The following NALF1 variants were observed in gnomAD, a reference collection of about 807,000 sequenced individuals.
NALF1 encodes family with sequence similarity 155 member A.
A neutral mutation model predicts 48.4 loss-of-function variants in NALF1; 3 were observed. The ratio of observed to expected loss-of-function variants is 0.06; its 90% confidence interval spans 0.03 to 0.16. NALF1 has a LOEUF of 0.16. NALF1 is among the 10% of genes least tolerant of loss of function. The pLI is 1.00. For missense variants in NALF1, 526 were observed against 571.5 expected (o/e 0.92, Z 0.81); for synonymous variants, 262 against 245.7 (o/e 1.07, Z -0.62).
At chr13:107,379,019 A>T (rs1190600509) in intron 1 of NALF1, among the ~76,000 whole-genome samples, 1 of 152,204 alleles carries the variant, frequency 6.6e-6, no homozygotes, top group Non-Finnish European at 1.5e-5. Context: ...GAACAAAGTA[A>T]TGATCACCAC....
intron 1 of NALF1, among the ~76,000 whole-genome samples, chr13:107,777,866 C>G (rs1312495096): frequency 6.6e-6 from 1 of 152,156 alleles, no homozygotes; most frequent in African/African-American, 2.4e-5. Context: ...CAAAGGCTCC[C>G]TGATGTATGT....
rs371672397 is a variant in NALF1 at position 107,572,744 on chromosome 13, C to T, written c.915+292938G>A. Among the ~76,000 whole-genome samples the T allele has an allele frequency of 8.7e-4, 132 of 152,206 alleles. 5 individuals carry two copies. The South Asian group carries it at 0.026, about 30-fold the overall frequency. ...TGGCACTTTTGAAGTTCCGAGAACA[C>T]GCTAATTTATAAAATGGCATATCTA... On this transcript the variant is annotated intron_variant, in intron 1 of 2. Transcript: ENST00000375915.
chr13:107,772,775 A>C (rs1230559367), intron 1 of NALF1, among the ~76,000 whole-genome samples: 1 of 152,156 alleles, frequency 6.6e-6, no homozygotes, highest in Non-Finnish European at 1.5e-5. Context: ...AGCTCTGAGA[A>C]GCTTAGGTTC....
intron 1 of NALF1, among the ~76,000 whole-genome samples, chr13:107,504,278 T>C (rs1488179930): frequency 1.4e-5 from 2 of 147,526 alleles, no homozygotes; most frequent in South Asian, 2.2e-4. Flanking sequence ...AAAATCAAAC[T>C]CTGTTACCCA....
At chr13:107,409,964 G>C (rs1883961700) in intron 1 of NALF1, among the ~76,000 whole-genome samples, 1 of 152,110 alleles carries the variant, frequency 6.6e-6, no homozygotes, top group Non-Finnish European at 1.5e-5. Flanking sequence ...CCTATCTACT[G>C]ATTAAGCATA....
intron 1 of NALF1, among the ~76,000 whole-genome samples, chr13:107,545,891 G>T (rs2139124023): frequency 6.6e-6 from 1 of 152,232 alleles, no homozygotes; most frequent in Admixed American, 6.5e-5. Flanking sequence ...TAATATCCCT[G>T]ATAACTAGTT....
chr13:107,775,369 T>C (rs866317470), intron 1 of NALF1, among the ~76,000 whole-genome samples: 12 of 150,346 alleles, frequency 8.0e-5, no homozygotes, highest in Middle Eastern at 3.4e-3. Flanking sequence ...TCCATGTCCC[T>C]ACAAAGGACA....
chr13:107,354,146 C>A (rs1191921215), intron 1 of NALF1, among the ~76,000 whole-genome samples: 1 of 152,082 alleles, frequency 6.6e-6, no homozygotes, highest in African/African-American at 2.4e-5. Context: ...ACATAAACAG[C>A]ATTTTATTTT....
intron 1 of NALF1, among the ~76,000 whole-genome samples, chr13:107,413,717 T>C (rs1313993046): frequency 6.6e-6 from 1 of 152,148 alleles, no homozygotes; most frequent in Non-Finnish European, 1.5e-5. Context: ...CTGTATAGGT[T>C]GCTAAAATGT....
In NALF1 at chr13:107,493,043, T is replaced by C. The variant is rs72652719; in HGVS notation, c.916-282288A>G. 9.6e-3 allele frequency among the ~76,000 whole-genome samples: 1,464 copies of C among 152,262 alleles called. 8 individuals are homozygous for C. The highest frequency in any genetic ancestry group is 0.017 in the Non-Finnish European group (1,186 of 68,010). On this transcript the variant is annotated intron_variant, in intron 1 of 2. Transcript: ENST00000375915. ...ATCCACTGTTTTATCATCTTTAGAA[T>C]TGTTGGAAGTGCTTTCATAACCATT...
intron 1 of NALF1, among the ~76,000 whole-genome samples, chr13:107,680,419 CGT>C (rs1490280955): frequency 2.1e-5 from 3 of 144,914 alleles, no homozygotes; most frequent in Non-Finnish European, 4.6e-5. Flanking sequence ...AGTGTGTGTG[CGT>C]GTGAGTGTGA....
In NALF1 at chr13:107,402,222, C is replaced by T. The variant is rs73590792; in HGVS notation, c.916-191467G>A. Among the ~76,000 whole-genome samples the T allele has an allele frequency of 7.2e-5, 11 of 152,318 alleles. No individual in the cohort carries two copies. In the South Asian group the frequency reaches 8.3e-4, roughly 11 times the overall value. On this transcript the variant is annotated intron_variant, in intron 1 of 2. Coordinates refer to ENST00000375915, the MANE Select transcript of NALF1 (RefSeq NM_001080396.3). ...GGCTTCGATAAATCAATCAGCCATG[C>T]GGAAGAGGTCCGCATATTCAGGATC...
intron 1 of NALF1, among the ~76,000 whole-genome samples, chr13:107,275,884 AG>A (rs1881270343): frequency 6.6e-6 from 1 of 152,142 alleles, no homozygotes; most frequent in Admixed American, 6.5e-5. Context: ...CTGGGGCTGA[AG>A]GAGCCACTTC....
intron 1 of NALF1, among the ~76,000 whole-genome samples, chr13:107,412,732 G>A (rs1486750801): frequency 2.6e-5 from 4 of 152,028 alleles, no homozygotes; most frequent in East Asian, 1.9e-4. Context: ...CAATAGTATC[G>A]TATCAAAAAA....
intron 1 of NALF1, among the ~76,000 whole-genome samples, chr13:107,337,021 T>C (rs1448141695): frequency 1.3e-5 from 1 of 75,804 alleles, no homozygotes; most frequent in Admixed American, 1.4e-4. Context: ...TTCCTAAAAA[T>C]AAAATATATT....
rs570459475 is a variant in NALF1, at chr13:107,205,139, A to G, written c.1087+5445T>C. Among the ~76,000 whole-genome samples, 19 of 151,954 alleles carry G rather than the reference A, an allele frequency of 1.3e-4. No individual in the cohort carries two copies. In the East Asian group the frequency reaches 3.7e-3, roughly 30 times the overall value. On this transcript the variant is annotated intron_variant, in intron 2 of 2. Transcript: ENST00000375915. ...TCATCTAGCATTAGGTATATCTCCC[A>G]ATGCTATCCCTCCCCCTTTCCCCCC...
chr13:107,559,588 T>G (rs1463683313), intron 1 of NALF1, among the ~76,000 whole-genome samples: 2 of 152,182 alleles, frequency 1.3e-5, no homozygotes, highest in Non-Finnish European at 2.9e-5. Flanking sequence ...CTGTGCATCC[T>G]TAGGTGTTCT....
At chr13:107,832,984 A>G (rs781099964) in intron 1 of NALF1, among the ~76,000 whole-genome samples, 1 of 151,674 alleles carries the variant, frequency 6.6e-6, no homozygotes, top group East Asian at 2.0e-4. Flanking sequence ...CCTCCCTCAC[A>G]CTCTACCATG....
intron 1 of NALF1, 122 bp from the exon 2 acceptor site, chr13:107,210,877 GAGAA>G (rs1879746892): frequency 6.2e-6 from 4 of 642,700 alleles, no homozygotes; most frequent in Non-Finnish European, 1.1e-5. Flanking sequence ...CCCTCATTGT[GAGAA>G]AGCGTATTTA....
Sources: gnomAD v4.1 joint callset for allele counts (sites outside exome capture counted in the v4.1 genomes callset) on GRCh38, gnomAD v4.1.1 for gene constraint, MANE v1.5 for transcripts, NCBI Gene and HGNC (gene_info 2026-07-23, HGNC 2026-07-21) for gene names.